Variants in ATP10B observed in about 807,000 individuals in gnomAD.
ATP10B encodes the protein phospholipid-transporting ATPase VB.
In ATP10B, 122 loss-of-function variants were observed where a neutral mutation model predicts 141.2. That is an observed-to-expected ratio of 0.86 (90% CI 0.75 to 1.00). ATP10B has a LOEUF of 1.00. Among genes scored for constraint, ATP10B ranks in the 50% least tolerant of loss-of-function variants. The probability of loss-of-function intolerance (pLI) is 0.00; values close to 1 mark genes in which losing one functional copy is unlikely to be tolerated. For missense variants in ATP10B, 1,876 were observed against 1,825.3 expected (o/e 1.03, Z -0.51); for synonymous variants, 685 against 692.0 (o/e 0.99, Z 0.16).
intron 20 of ATP10B, 104 bp downstream of exon 20, chr5:160,603,861 A>T: frequency 1.1e-6 from 1 of 910,208 alleles, no homozygotes; most frequent in Non-Finnish European, 1.8e-6. Context: ...GCAACTTTGG[A>T]TGTGGGTGGA....
At chr5:160,749,210 A>C (rs1767994837) in intron 2 of ATP10B, among the ~76,000 whole-genome samples, 1 of 152,204 alleles carries the variant, frequency 6.6e-6, no homozygotes, top group Non-Finnish European at 1.5e-5. Flanking sequence ...GGGTGCAGGG[A>C]GAGATTCATT....
chr5:160,591,093 TA>T lies in ATP10B; in HGVS notation c.3610del (p.Tyr1204ThrfsTer19), dbSNP rs1258330161. On this transcript the variant is annotated frameshift_variant, in exon 23 of 26. Coordinates refer to ENST00000327245, the MANE Select transcript of ATP10B (RefSeq NM_025153.3). LOFTEE classifies it high-confidence loss of function. ...GATAAAGAAACAGATGAGGCTCTGGTAGAATGCATCCACCATAGAAATCCAG... is the reference window on the plus strand; with the variant it reads ...GATAAAGAAACAGATGAGGCTCTGGTGAATGCATCCACCATAGAAATCCAG... ...TFWISMVDAF[Y>X]QSLICFFIPY... 3 of 1,614,068 alleles carry T rather than the reference TA, an allele frequency of 1.9e-6. No homozygotes were observed. The South Asian group carries it at 3.3e-5, about 18-fold the overall frequency.
At chr5:160,615,262 C>T (rs555104462) in intron 17 of ATP10B, among the ~76,000 whole-genome samples, 4 of 152,144 alleles carry the variant, frequency 2.6e-5, no homozygotes, top group African/African-American at 7.2e-5. Flanking sequence ...ACCTCCAGGC[C>T]TTCAATTGGG....
intron 2 of ATP10B, among the ~76,000 whole-genome samples, chr5:160,733,125 T>C (rs1766854329): frequency 6.6e-6 from 1 of 152,234 alleles, no homozygotes; most frequent in South Asian, 2.1e-4. Context: ...TCTTCTGAAA[T>C]TTCTTTCAAC....
chr5:160,724,381 C>T (rs1041256651), intron 2 of ATP10B, among the ~76,000 whole-genome samples: 8 of 151,650 alleles, frequency 5.3e-5, no homozygotes, highest in Admixed American at 2.0e-4. Context: ...CCTCAGTCCC[C>T]CAAAGTGCTG....
chr5:160,644,266 CAG>C lies in ATP10B; in HGVS notation c.762-24_762-23del, dbSNP rs376258459. Reference sequence around the variant, plus strand: ...CTCCCTGGGGATGATGAATAAAAGACAGGGGGTGGTTTGGTGGCCTTTCCTTG... The same window carrying C: ...CTCCCTGGGGATGATGAATAAAAGACGGGGTGGTTTGGTGGCCTTTCCTTG... On this transcript the variant is annotated intron_variant, in intron 8 of 25. Coordinates refer to ENST00000327245, the MANE Select transcript of ATP10B (RefSeq NM_025153.3). The C allele has an allele frequency of 1.1e-4, 182 of 1,593,960 alleles. No individual in the cohort carries two copies. The African/African-American group carries it at 1.7e-3, about 15-fold the overall frequency.
At chr5:160,846,451 G>T (rs1281939862) in intron 1 of ATP10B, among the ~76,000 whole-genome samples, 2 of 152,116 alleles carry the variant, frequency 1.3e-5, no homozygotes, top group Non-Finnish European at 2.9e-5. Context: ...AACTGGAAAA[G>T]ACCAATCCCA....
intron 2 of ATP10B, among the ~76,000 whole-genome samples, chr5:160,724,091 AG>A (rs1766165978): frequency 6.6e-6 from 1 of 152,130 alleles, no homozygotes; most frequent in Non-Finnish European, 1.5e-5. Flanking sequence ...ACAAGGGTAC[AG>A]AGAGGGGAAG....
the ATP10B span, among the ~76,000 whole-genome samples, chr5:160,873,344 T>A: frequency 6.6e-6 from 1 of 152,188 alleles, no homozygotes; most frequent in Admixed American, 6.5e-5. Context: ...CAAGGCAAGG[T>A]TATTCCATTT....
chr5:160,795,408 CCAT>C (rs2127917885), intron 1 of ATP10B, among the ~76,000 whole-genome samples: 1 of 152,144 alleles, frequency 6.6e-6, no homozygotes, highest in Non-Finnish European at 1.5e-5. Context: ...AAGTCATTTC[CCAT>C]CTCTGTCCTA....
At chr5:160,646,970 G>T (rs1760324033) in intron 8 of ATP10B, among the ~76,000 whole-genome samples, 1 of 152,148 alleles carries the variant, frequency 6.6e-6, no homozygotes, top group South Asian at 2.1e-4. Flanking sequence ...CTACCCAGTG[G>T]ATGCCAACAG....
In ATP10B at chr5:160,796,943, C is replaced by T. The variant is rs143652029; in HGVS notation, c.-575-11140G>A. On this transcript the variant is annotated intron_variant, in intron 1 of 25. Transcript: ENST00000327245. Reference sequence around the variant, plus strand: ...GATTTTCTTTAACCTGGAGCTTAAACGGCAATCTTCTTAGGGTGGGAACTG... The same window carrying T: ...GATTTTCTTTAACCTGGAGCTTAAATGGCAATCTTCTTAGGGTGGGAACTG... Among the ~76,000 whole-genome samples, 151 of 152,292 alleles carry T rather than the reference C, an allele frequency of 9.9e-4. No individual in the cohort carries two copies. The South Asian group carries it at 0.02, about 20-fold the overall frequency.
chr5:160,749,844 C>T (rs1306753875), intron 2 of ATP10B, among the ~76,000 whole-genome samples: 1 of 152,202 alleles, frequency 6.6e-6, no homozygotes, highest in African/African-American at 2.4e-5. Flanking sequence ...CCACCAGGAA[C>T]TACTCATATA....
At chr5:160,745,206 C>T (rs1305814603) in intron 2 of ATP10B, among the ~76,000 whole-genome samples, 1 of 152,222 alleles carries the variant, frequency 6.6e-6, no homozygotes, top group Non-Finnish European at 1.5e-5. Context: ...ATTTTCTATG[C>T]TGGCATTCTA....
At chr5:160,568,790 CCAAGG>C (rs759161795) in intron 25 of ATP10B, among the ~76,000 whole-genome samples, 11 of 152,216 alleles carry the variant, frequency 7.2e-5, no homozygotes, top group South Asian at 4.2e-4. Flanking sequence ...AGAGTGAGCT[CCAAGG>C]CAAGGCAAGG....
intron 24 of ATP10B, among the ~76,000 whole-genome samples, chr5:160,570,388 A>T (rs1754800930): frequency 1.3e-5 from 2 of 152,166 alleles, no homozygotes; most frequent in African/African-American, 4.8e-5. Context: ...TTTTAAACAT[A>T]TTGACTATTT....
chr5:160,902,958 C>T, the ATP10B span, among the ~76,000 whole-genome samples: 4,833 of 152,180 alleles, frequency 0.032, 240 homozygotes, highest in East Asian at 0.23. Flanking sequence ...AACGGGTGCA[C>T]GTGAGAACCT....
chr5:160,666,233 G>T (rs1206495270), intron 7 of ATP10B, among the ~76,000 whole-genome samples: 1 of 152,010 alleles, frequency 6.6e-6, no homozygotes, highest in Non-Finnish European at 1.5e-5. Context: ...AGATTGTCTG[G>T]GAGAAAATTT....
chr5:160,912,123 A>G, the ATP10B span, among the ~76,000 whole-genome samples: 3 of 152,188 alleles, frequency 2.0e-5, no homozygotes, highest in Non-Finnish European at 4.4e-5. Context: ...GAAAGGGGAC[A>G]GGCAGAACTT....
Sources: allele counts gnomAD v4.1 joint callset (sites outside exome capture counted in the v4.1 genomes callset), GRCh38; gene constraint gnomAD v4.1.1; transcripts MANE v1.5; gene names NCBI Gene and HGNC (gene_info 2026-07-23, HGNC 2026-07-21).